PSD3: variants seen among roughly 807,000 people sequenced by gnomAD.
PSD3 encodes the protein pleckstrin and Sec7 domain containing 3, also known as PH and SEC7 domain-containing protein 3.
Under a neutral mutation model 105.5 loss-of-function variants are expected in PSD3, and 49 were observed. The observed-to-expected ratio is 0.46, with a 90% CI of 0.37 to 0.59. PSD3 has a LOEUF of 0.59. Among genes scored for constraint, PSD3 ranks in the 20% least tolerant of loss-of-function variants. The probability of loss-of-function intolerance (pLI) is 0.00; values close to 1 mark genes in which losing one functional copy is unlikely to be tolerated. For synonymous variants in PSD3, 557 were observed against 457.8 expected, an observed-to-expected ratio of 1.22 and a Z score of -2.77; for missense variants, 1,561 against 1,263.8, an observed-to-expected ratio of 1.24 and a Z score of -3.57.
At chr8:18,814,040 G>A (rs1017257356) in intron 4 of PSD3, among the ~76,000 whole-genome samples, 3 of 152,184 alleles carry the variant, frequency 2.0e-5, no homozygotes, top group African/African-American at 4.8e-5. Context: ...TAGGACAAAC[G>A]TCTCAAATGA....
intron 1 of PSD3, among the ~76,000 whole-genome samples, chr8:18,977,498 T>A (rs1586565339): frequency 1.3e-5 from 2 of 152,168 alleles, no homozygotes; most frequent in East Asian, 3.9e-4. Context: ...TTACTAATCA[T>A]TTTAACATGT....
intron 9 of PSD3, among the ~76,000 whole-genome samples, chr8:18,716,569 C>G (rs1802614322): frequency 6.6e-6 from 1 of 152,068 alleles, no homozygotes. Flanking sequence ...AGAGATGAGG[C>G]AGGGAGGGTA....
chr8:19,061,728 C>T (rs1393892976), intron 1 of PSD3, among the ~76,000 whole-genome samples: 1 of 151,928 alleles, frequency 6.6e-6, no homozygotes, highest in East Asian at 1.9e-4. Flanking sequence ...TCGCTTGACC[C>T]CAGGAGGCGG....
intron 2 of PSD3, among the ~76,000 whole-genome samples, chr8:18,903,093 A>G (rs527726422): frequency 1.3e-5 from 2 of 152,122 alleles, no homozygotes; most frequent in Non-Finnish European, 2.9e-5. Flanking sequence ...TGCCCCCGGA[A>G]CCAGGATCTG....
At chr8:18,752,693 G>GATATAAT (rs1805712615) in intron 9 of PSD3, among the ~76,000 whole-genome samples, 1 of 99,626 alleles carries the variant, frequency 1.0e-5, no homozygotes, top group African/African-American at 3.9e-5. Flanking sequence ...AATCATATAT[G>GATATAAT]ATATAATATA....
chr8:19,059,416 G>A (rs1455690819), intron 1 of PSD3, among the ~76,000 whole-genome samples: 1 of 152,178 alleles, frequency 6.6e-6, no homozygotes, highest in Admixed American at 6.5e-5. Context: ...AGGAAAGCAG[G>A]GTACACCAAG....
chr8:19,013,794 C>T, upstream of PSD3: 1 of 201,088 alleles, frequency 5.0e-6, no homozygotes, highest in Non-Finnish European at 9.5e-6. Context: ...AACGTCAAAG[C>T]GAAGGCGGCG....
intron 4 of PSD3, among the ~76,000 whole-genome samples, chr8:18,857,593 T>A (rs1816120886): frequency 6.6e-6 from 1 of 152,214 alleles, no homozygotes; most frequent in African/African-American, 2.4e-5. Context: ...CAATCAAGTT[T>A]GAGAACTACT....
At chr8:18,870,117 G>A (rs1817225789) in intron 3 of PSD3, among the ~76,000 whole-genome samples, 1 of 152,142 alleles carries the variant, frequency 6.6e-6, no homozygotes, top group Non-Finnish European at 1.5e-5. Flanking sequence ...GAAGGATCCT[G>A]CCAGTGATCC....
At chr8:18,644,171 T>A (rs1194248083) in intron 10 of PSD3, among the ~76,000 whole-genome samples, 1 of 152,242 alleles carries the variant, frequency 6.6e-6, no homozygotes, top group East Asian at 1.9e-4. Context: ...TCTTTGCAAA[T>A]GGTTGCTTGG....
intron 9 of PSD3, among the ~76,000 whole-genome samples, chr8:18,668,880 T>C (rs941263138): frequency 6.6e-6 from 1 of 152,244 alleles, no homozygotes; most frequent in African/African-American, 2.4e-5. Flanking sequence ...CTATCCACAG[T>C]ATTACATTTC....
chr8:18,787,247 A>G (rs1809255048), intron 8 of PSD3, among the ~76,000 whole-genome samples: 1 of 152,216 alleles, frequency 6.6e-6, no homozygotes. Context: ...GACCAGTTGC[A>G]TGCCAATAAA....
chr8:18,554,961 G>C (rs937659805), intron 15 of PSD3, among the ~76,000 whole-genome samples: 2 of 152,102 alleles, frequency 1.3e-5, no homozygotes, highest in African/African-American at 2.4e-5. Flanking sequence ...GCAGAAATGT[G>C]ACTACCGTAG....
At chr8:18,670,215 C>G (rs1052537925) in intron 9 of PSD3, among the ~76,000 whole-genome samples, 2 of 152,168 alleles carry the variant, frequency 1.3e-5, no homozygotes, top group African/African-American at 4.8e-5. Context: ...GTAAGCAGCT[C>G]CTGGGCACCA....
At chr8:18,610,691 G>C (rs193281536) in intron 11 of PSD3, among the ~76,000 whole-genome samples, 48 of 152,206 alleles carry the variant, frequency 3.2e-4, no homozygotes, top group African/African-American at 1.1e-3. Flanking sequence ...TTTTGATAGA[G>C]AATAAGAAAT....
intron 4 of PSD3, among the ~76,000 whole-genome samples, chr8:18,821,333 T>C (rs1812681857): frequency 6.6e-6 from 1 of 152,098 alleles, no homozygotes; most frequent in Non-Finnish European, 1.5e-5. Flanking sequence ...ACTGCTATTA[T>C]TAGAGACTAA....
intron 9 of PSD3, among the ~76,000 whole-genome samples, chr8:18,724,186 A>G (rs775759022): frequency 8.5e-5 from 13 of 152,242 alleles, no homozygotes; most frequent in Non-Finnish European, 1.3e-4. Flanking sequence ...TCTCAGCATC[A>G]GGACGAGTAG....
chr8:18,624,896 T>C (rs1044809247), intron 11 of PSD3, among the ~76,000 whole-genome samples: 1 of 152,034 alleles, frequency 6.6e-6, no homozygotes, highest in Non-Finnish European at 1.5e-5. Context: ...TATGTATGTA[T>C]ATACGTATGC....
chr8:18,611,204 G>A (rs553896373), intron 11 of PSD3, among the ~76,000 whole-genome samples: 1 of 150,618 alleles, frequency 6.6e-6, no homozygotes, highest in Non-Finnish European at 1.5e-5. Context: ...AGGATTTAGA[G>A]GTTAGAGAAC....
Sources: gnomAD v4.1 joint callset for allele counts (sites outside exome capture counted in the v4.1 genomes callset) on GRCh38, gnomAD v4.1.1 for gene constraint, MANE v1.5 for transcripts, NCBI Gene and HGNC (gene_info 2026-07-23, HGNC 2026-07-21) for gene names.